SGCZ: variants seen among roughly 807,000 people sequenced by gnomAD.
SGCZ encodes the protein sarcoglycan zeta, also known as zeta-sarcoglycan.
Under a neutral mutation model 41.3 loss-of-function variants are expected in SGCZ, and 40 were observed. That is an observed-to-expected ratio of 0.97 (90% CI 0.75 to 1.26). The LOEUF (loss-of-function observed/expected upper bound fraction) is 1.26. SGCZ is among the 50% of genes most tolerant of loss of function. SGCZ has a pLI of 0.00. For synonymous variants in SGCZ, 206 were observed against 137.5 expected, an observed-to-expected ratio of 1.50 and a Z score of -3.49; for missense variants, 552 against 369.8, an observed-to-expected ratio of 1.49 and a Z score of -4.04.
At chr8:14,453,445 T>G (rs1266236106) in intron 2 of SGCZ, among the ~76,000 whole-genome samples, 2 of 152,194 alleles carry the variant, frequency 1.3e-5, no homozygotes, top group Non-Finnish European at 2.9e-5. Flanking sequence ...TTTTTCTTGT[T>G]TGGGTACTAA....
intron 2 of SGCZ, among the ~76,000 whole-genome samples, chr8:14,513,529 A>G (rs978774066): frequency 6.7e-6 from 1 of 148,272 alleles, no homozygotes; most frequent in Non-Finnish European, 1.5e-5. Flanking sequence ...AATTAATAAT[A>G]TACATTAAAA....
chr8:14,886,185 C>CT (rs1434971743), intron 1 of SGCZ, among the ~76,000 whole-genome samples: 2 of 151,256 alleles, frequency 1.3e-5, no homozygotes, highest in African/African-American at 4.9e-5. Context: ...TTGTTTATAA[C>CT]TTTTCACAAC....
chr8:14,577,535 AT>A (rs1408404062), intron 1 of SGCZ, among the ~76,000 whole-genome samples: 3 of 151,978 alleles, frequency 2.0e-5, no homozygotes, highest in African/African-American at 7.3e-5. Context: ...CTATAGGTGC[AT>A]CTCAACATGC....
chr8:14,468,526 T>C (rs1801115763), intron 2 of SGCZ, among the ~76,000 whole-genome samples: 1 of 152,096 alleles, frequency 6.6e-6, no homozygotes, highest in Admixed American at 6.6e-5. Flanking sequence ...TTATTAGATC[T>C]TGAGAGCAAA....
At chr8:14,570,441 G>C (rs1488932312) in intron 1 of SGCZ, among the ~76,000 whole-genome samples, 2 of 152,110 alleles carry the variant, frequency 1.3e-5, no homozygotes, top group African/African-American at 2.4e-5. Context: ...TGTTCTTTCT[G>C]AGTGGTTTAT....
chr8:14,314,726 T>A (rs576830395), intron 3 of SGCZ, among the ~76,000 whole-genome samples: 1 of 152,270 alleles, frequency 6.6e-6, no homozygotes, highest in African/African-American at 2.4e-5. Context: ...TGCATAAAGA[T>A]TTAATTTACT....
At chr8:15,049,472 A>G (rs1461524546) in intron 1 of SGCZ, among the ~76,000 whole-genome samples, 1 of 152,132 alleles carries the variant, frequency 6.6e-6, no homozygotes, top group Non-Finnish European at 1.5e-5. Flanking sequence ...AATGGAAGCT[A>G]TAGGGGAGTT....
At chr8:15,004,873 T>TTAATCTA (rs141197696) in intron 1 of SGCZ, among the ~76,000 whole-genome samples, 1 of 151,504 alleles carries the variant, frequency 6.6e-6, no homozygotes, top group Non-Finnish European at 1.5e-5. Flanking sequence ...AACTGACGGG[T>TTAATCTA]TCTTTGTGTG....
chr8:14,879,440 T>C (rs1379860914), intron 1 of SGCZ: 3 of 152,174 alleles, frequency 2.0e-5, no homozygotes, highest in East Asian at 1.9e-4. Context: ...ACTAAAAATA[T>C]ATATAACTAG....
intron 2 of SGCZ, among the ~76,000 whole-genome samples, chr8:14,395,185 T>G (rs1397076554): frequency 6.6e-6 from 1 of 152,232 alleles, no homozygotes; most frequent in South Asian, 2.1e-4. Flanking sequence ...ACTTCTTTTA[T>G]GTACTGTAAA....
chr8:14,577,613 C>G (rs1327348570), intron 1 of SGCZ, among the ~76,000 whole-genome samples: 1 of 152,032 alleles, frequency 6.6e-6, no homozygotes, highest in East Asian at 1.9e-4. Flanking sequence ...GTCTCCAAGT[C>G]CTGACCTCAG....
At chr8:15,121,836 T>C (rs1459062364) in intron 1 of SGCZ, among the ~76,000 whole-genome samples, 1 of 150,512 alleles carries the variant, frequency 6.6e-6, no homozygotes, top group Non-Finnish European at 1.5e-5. Context: ...AGCAGTATGT[T>C]CTGGAAAAAT....
intron 1 of SGCZ, among the ~76,000 whole-genome samples, chr8:14,823,132 A>G (rs916614640): frequency 6.6e-6 from 1 of 151,790 alleles, no homozygotes; most frequent in Middle Eastern, 3.2e-3. Flanking sequence ...TTAGAAATAA[A>G]AGGAAAACAG....
At chr8:14,736,470 A>G (rs1799033887) in intron 1 of SGCZ, among the ~76,000 whole-genome samples, 1 of 152,110 alleles carries the variant, frequency 6.6e-6, no homozygotes, top group South Asian at 2.1e-4. Flanking sequence ...TGGATAAATG[A>G]CTTTTATTTT....
At chr8:14,102,928 C>G (rs754185387) in intron 6 of SGCZ, among the ~76,000 whole-genome samples, 1 of 152,070 alleles carries the variant, frequency 6.6e-6, no homozygotes, top group Admixed American at 6.6e-5. Context: ...TATATGTATT[C>G]CTCAATAAAG....
intron 1 of SGCZ, among the ~76,000 whole-genome samples, chr8:15,061,812 T>C (rs531138865): frequency 3.3e-5 from 5 of 152,292 alleles, no homozygotes; most frequent in Non-Finnish European, 7.3e-5. Flanking sequence ...CAGTCTCAAC[T>C]ATTTTGGTAT....
At chr8:14,313,619 G>A (rs1243858799) in intron 3 of SGCZ, among the ~76,000 whole-genome samples, 2 of 152,034 alleles carry the variant, frequency 1.3e-5, no homozygotes, top group Non-Finnish European at 2.9e-5. Context: ...TACAGGTGTG[G>A]GCCACCATGC....
intron 1 of SGCZ, among the ~76,000 whole-genome samples, chr8:14,657,719 C>T (rs1341689268): frequency 2.6e-5 from 4 of 151,456 alleles, no homozygotes; most frequent in African/African-American, 7.3e-5. Context: ...ATATTGTGTT[C>T]CTGAATATCA....
intron 2 of SGCZ, among the ~76,000 whole-genome samples, chr8:14,425,756 C>G (rs1361972511): frequency 6.6e-6 from 1 of 152,158 alleles, no homozygotes; most frequent in Non-Finnish European, 1.5e-5. Context: ...CATTTACCAT[C>G]TCTTCTATAA....
Sources: gnomAD v4.1 joint callset for allele counts (sites outside exome capture counted in the v4.1 genomes callset) on GRCh38, gnomAD v4.1.1 for gene constraint, MANE v1.5 for transcripts, NCBI Gene and HGNC (gene_info 2026-07-23, HGNC 2026-07-21) for gene names.